The following HYCC1 variants were observed in gnomAD, a reference collection of about 807,000 sequenced individuals.
HYCC1 encodes the protein hyccin PI4KA lipid kinase complex subunit 1.
At chr7:22,922,168 TAATCTAACTTTATGATTA>T in the HYCC1 span, among the ~76,000 whole-genome samples, 29 of 151,766 alleles carry the variant, frequency 1.9e-4, no homozygotes, top group African/African-American at 7.0e-4. Context: ...ATAATAAAGT[TAATCTAACTTTATGATTA>T]ATAATATTTA....
chr7:22,911,489 G>C, the HYCC1 span, among the ~76,000 whole-genome samples: 1 of 152,338 alleles, frequency 6.6e-6, no homozygotes, highest in South Asian at 2.1e-4. Context: ...GCCAGGCGCA[G>C]TGGCTCACGC....
At chr7:22,913,559 C>T in the HYCC1 span, among the ~76,000 whole-genome samples, 29 of 152,312 alleles carry the variant, frequency 1.9e-4, no homozygotes, top group African/African-American at 6.5e-4. Flanking sequence ...TGGTTCCCGC[C>T]TTAACTGATG....
the HYCC1 span, among the ~76,000 whole-genome samples, chr7:22,947,875 C>T: frequency 6.6e-6 from 1 of 152,064 alleles, no homozygotes; most frequent in South Asian, 2.1e-4. Context: ...CTATTATTAA[C>T]AGTAAGTATT....
chr7:22,927,597 A>C, the HYCC1 span, among the ~76,000 whole-genome samples: 1 of 152,214 alleles, frequency 6.6e-6, no homozygotes, highest in Non-Finnish European at 1.5e-5. Context: ...GAAATGGATA[A>C]ATTCCTCGAC....
At chr7:22,974,700 T>C in the HYCC1 span, among the ~76,000 whole-genome samples, 2 of 152,188 alleles carry the variant, frequency 1.3e-5, no homozygotes, top group African/African-American at 4.8e-5. Context: ...TTTCTAAGTA[T>C]TGCTCAATGA....
chr7:22,986,707 G>A, the HYCC1 span, among the ~76,000 whole-genome samples: 1 of 152,182 alleles, frequency 6.6e-6, no homozygotes, highest in Non-Finnish European at 1.5e-5. Flanking sequence ...TTAGCCAGGT[G>A]TGTGGTGCCA....
chr7:22,938,767 AC>A, the HYCC1 span: 1 of 152,108 alleles, frequency 6.6e-6, no homozygotes, highest in African/African-American at 2.4e-5. Context: ...CAGCTACTAG[AC>A]CATATTTTAC....
chr7:22,896,241 T>A, the HYCC1 span, among the ~76,000 whole-genome samples: 1 of 152,190 alleles, frequency 6.6e-6, no homozygotes, highest in African/African-American at 2.4e-5. Flanking sequence ...GACAAAAGGA[T>A]ACCATGCCAA....
chr7:22,974,375 A>C, the HYCC1 span, among the ~76,000 whole-genome samples: 2 of 152,220 alleles, frequency 1.3e-5, no homozygotes, highest in African/African-American at 2.4e-5. Context: ...TAAATAACCC[A>C]GCTGTTCCAC....
At chr7:22,992,129 ATAT>A in the HYCC1 span, among the ~76,000 whole-genome samples, 1 of 131,858 alleles carries the variant, frequency 7.6e-6, no homozygotes, top group African/African-American at 2.8e-5. Context: ...TCACTATGCA[ATAT>A]TATTATTATT....
the HYCC1 span, among the ~76,000 whole-genome samples, chr7:22,924,526 G>A: frequency 4.6e-5 from 7 of 152,220 alleles, no homozygotes; most frequent in African/African-American, 1.7e-4. Flanking sequence ...CAGCACACCA[G>A]GAGATTATAT....
At chr7:22,969,584 G>A in the HYCC1 span, among the ~76,000 whole-genome samples, 1 of 150,560 alleles carries the variant, frequency 6.6e-6, no homozygotes. Context: ...GCAGTGGCAC[G>A]ATGATCTCAG....
At chr7:22,899,440 A>T in the HYCC1 span, among the ~76,000 whole-genome samples, 1 of 152,190 alleles carries the variant, frequency 6.6e-6, no homozygotes, top group Non-Finnish European at 1.5e-5. Context: ...TGTATGTATT[A>T]ATTAAGTTGT....
the HYCC1 span, among the ~76,000 whole-genome samples, chr7:22,932,902 A>G: frequency 1.3e-5 from 2 of 152,188 alleles, no homozygotes; most frequent in Non-Finnish European, 2.9e-5. Context: ...GGTTAGAGTG[A>G]ACCCTAAATC....
At chr7:22,898,563 G>C in the HYCC1 span, among the ~76,000 whole-genome samples, 1 of 148,944 alleles carries the variant, frequency 6.7e-6, no homozygotes, top group Non-Finnish European at 1.5e-5. Context: ...TGTTACCCAG[G>C]CTGGTCCAAA....
the HYCC1 span, chr7:22,978,126 A>G: frequency 1.3e-6 from 1 of 744,192 alleles, no homozygotes; most frequent in Non-Finnish European, 2.3e-6. Flanking sequence ...CAATCCCCAG[A>G]AAGTTATATT....
At chr7:22,918,874 T>C in the HYCC1 span, among the ~76,000 whole-genome samples, 2 of 152,152 alleles carry the variant, frequency 1.3e-5, no homozygotes, top group Non-Finnish European at 2.9e-5. Flanking sequence ...ATTAAAAAGC[T>C]TTATTGCTCA....
At chr7:22,984,672 T>C in the HYCC1 span, among the ~76,000 whole-genome samples, 2 of 152,098 alleles carry the variant, frequency 1.3e-5, no homozygotes, top group East Asian at 3.9e-4. Flanking sequence ...CAGAGAGCCA[T>C]GATTGCAGCA....
At chr7:22,918,034 T>C in the HYCC1 span, among the ~76,000 whole-genome samples, 1 of 151,996 alleles carries the variant, frequency 6.6e-6, no homozygotes, top group African/African-American at 2.4e-5. Context: ...ACTTACTGCT[T>C]AAAAAAAGAG....
Sources: gnomAD v4.1 joint callset for allele counts (sites outside exome capture counted in the v4.1 genomes callset) on GRCh38, gnomAD v4.1.1 for gene constraint, MANE v1.5 for transcripts, NCBI Gene and HGNC (gene_info 2026-07-23, HGNC 2026-07-21) for gene names.